ASPH: variants seen among roughly 807,000 people sequenced by gnomAD.
ASPH encodes the protein aspartate beta-hydroxylase.
A neutral mutation model predicts 118.4 loss-of-function variants in ASPH; 100 were observed. That is an observed-to-expected ratio of 0.84 (90% CI 0.72 to 1.00). The LOEUF (loss-of-function observed/expected upper bound fraction) is 1.00. Ranked by LOEUF, ASPH falls within the 50% of genes least tolerant of loss-of-function variation. ASPH has a pLI of 0.00. For synonymous variants in ASPH, 315 were observed against 325.6 expected (o/e 0.97, Z 0.35); for missense variants, 920 against 919.5 (o/e 1.00, Z -0.01).
chr8:61,686,215 G>A (rs2350919), intron 1 of ASPH, among the ~76,000 whole-genome samples: 127,187 of 152,158 alleles, frequency 0.84, 53,302 homozygotes, highest in African/African-American at 0.88. Context: ...ATATAAAAAC[G>A]TAATTTATGT....
intron 13 of ASPH, among the ~76,000 whole-genome samples, chr8:61,621,320 A>G (rs1850820765): frequency 1.3e-5 from 1 of 77,762 alleles, no homozygotes; most frequent in Non-Finnish European, 2.5e-5. Context: ...CTGCAACTTG[A>G]GCAAAAAAAA....
chr8:61,667,366 T>TTTA (rs993805392), intron 3 of ASPH, among the ~76,000 whole-genome samples: 40 of 150,456 alleles, frequency 2.7e-4, no homozygotes, highest in South Asian at 8.3e-4. Flanking sequence ...TAATAACTTA[T>TTTA]TTATTATTAT....
At chr8:61,608,807 T>TC (rs1015137587) in intron 14 of ASPH, among the ~76,000 whole-genome samples, 1 of 145,568 alleles carries the variant, frequency 6.9e-6, no homozygotes, top group Non-Finnish European at 1.5e-5. Context: ...GTCTGAACTC[T>TC]CCCCCATGTG....
At chr8:61,548,765 G>C (rs1311312093) in intron 20 of ASPH, among the ~76,000 whole-genome samples, 1 of 152,072 alleles carries the variant, frequency 6.6e-6, no homozygotes. Context: ...TTCTGAGTGG[G>C]CAATAAATAC....
chr8:61,711,756 T>A (rs1838113314), intron 1 of ASPH, among the ~76,000 whole-genome samples: 1 of 152,230 alleles, frequency 6.6e-6, no homozygotes, highest in African/African-American at 2.4e-5. Context: ...TAATAATGTT[T>A]AATGTGACCA....
chr8:61,693,471 G>A (rs971264999), intron 1 of ASPH, among the ~76,000 whole-genome samples: 5 of 152,148 alleles, frequency 3.3e-5, no homozygotes, highest in African/African-American at 7.2e-5. Context: ...TCTACACATC[G>A]TACCCAAAGT....
At chr8:61,626,371 A>C in intron 13 of ASPH, 4 of 1,322,104 alleles carry the variant, frequency 3.0e-6, no homozygotes, top group South Asian at 4.7e-5. Flanking sequence ...TAAAAAACCC[A>C]CCAACAAAGT....
intron 14 of ASPH, chr8:61,607,444 C>T (rs185854871): frequency 1.2e-4 from 72 of 578,236 alleles, no homozygotes; most frequent in African/African-American, 9.1e-4. Flanking sequence ...CTACCATGAC[C>T]AACTCAACAA....
intron 21 of ASPH, among the ~76,000 whole-genome samples, chr8:61,538,709 T>A (rs1820560216): frequency 6.6e-6 from 1 of 152,234 alleles, no homozygotes; most frequent in Non-Finnish European, 1.5e-5. Flanking sequence ...ATCATTCCAA[T>A]GCACTATGTC....
chr8:61,687,586 G>A (rs1197770608), intron 1 of ASPH: 1 of 151,964 alleles, frequency 6.6e-6, no homozygotes, highest in Non-Finnish European at 1.5e-5. Flanking sequence ...GCAGGCCCAG[G>A]AAGTCAGAAA....
chr8:61,520,102 A>G (rs987785494), intron 22 of ASPH, among the ~76,000 whole-genome samples: 7 of 152,204 alleles, frequency 4.6e-5, no homozygotes, highest in Non-Finnish European at 8.8e-5. Context: ...ATGATGATAA[A>G]GAATAGGATT....
chr8:61,666,691 A>G (rs1177592254), intron 3 of ASPH, among the ~76,000 whole-genome samples: 1 of 152,176 alleles, frequency 6.6e-6, no homozygotes, highest in East Asian at 1.9e-4. Context: ...GGGTTTCTCC[A>G]TTAACTGAAT....
chr8:61,674,903 G>C (rs185871969), intron 3 of ASPH, among the ~76,000 whole-genome samples: 1 of 152,278 alleles, frequency 6.6e-6, no homozygotes, highest in African/African-American at 2.4e-5. Context: ...CAAAATCCTA[G>C]AGAAGCTGGA....
chr8:61,637,064 G>A (rs1858144877), intron 12 of ASPH, among the ~76,000 whole-genome samples: 1 of 152,040 alleles, frequency 6.6e-6, no homozygotes, highest in African/African-American at 2.4e-5. Flanking sequence ...GCCTAACCAA[G>A]CTCAAAAGCA....
intron 1 of ASPH, among the ~76,000 whole-genome samples, chr8:61,696,099 TCTTGGATGA>T (rs1257214587): frequency 1.3e-4 from 20 of 152,282 alleles, no homozygotes; most frequent in African/African-American, 4.8e-4. Flanking sequence ...CCCTGATTGA[TCTTGGATGA>T]CTGTCACATG....
chr8:61,586,998 C>T (rs1426937492), intron 14 of ASPH, among the ~76,000 whole-genome samples: 1 of 152,172 alleles, frequency 6.6e-6, no homozygotes, highest in Non-Finnish European at 1.5e-5. Context: ...GTGGGTATGT[C>T]CAATTCTGGG....
intron 3 of ASPH, among the ~76,000 whole-genome samples, chr8:61,672,888 T>C (rs1823319268): frequency 6.6e-6 from 1 of 152,210 alleles, no homozygotes; most frequent in Non-Finnish European, 1.5e-5. Flanking sequence ...ATTTCTTGTA[T>C]GTTTTATAGA....
intron 14 of ASPH, among the ~76,000 whole-genome samples, chr8:61,617,698 A>C (rs1432235278): frequency 6.6e-6 from 1 of 152,108 alleles, no homozygotes; most frequent in Non-Finnish European, 1.5e-5. Flanking sequence ...TGGGAGGCCG[A>C]GGTGGGAGGA....
chr8:61,685,904 G>C (rs546883061), intron 1 of ASPH, among the ~76,000 whole-genome samples: 1 of 151,810 alleles, frequency 6.6e-6, no homozygotes, highest in African/African-American at 2.4e-5. Context: ...GAGTAACTGG[G>C]ATTACAGGCA....
Sources: gnomAD v4.1 joint callset for allele counts (sites outside exome capture counted in the v4.1 genomes callset) on GRCh38, gnomAD v4.1.1 for gene constraint, MANE v1.5 for transcripts, NCBI Gene and HGNC (gene_info 2026-07-23, HGNC 2026-07-21) for gene names.